TBC1D20: variants seen among roughly 807,000 people sequenced by gnomAD.
The protein encoded by TBC1D20 is TBC1 domain family member 20.
TBC1D20 carries 12 observed loss-of-function variants against 41.6 expected under a neutral mutation model. The ratio of observed to expected loss-of-function variants is 0.29; its 90% CI spans 0.18 to 0.47. The LOEUF (loss-of-function observed/expected upper bound fraction) is 0.47, where lower values mean the gene tolerates loss of function less well. Among genes scored for constraint, TBC1D20 ranks in the 20% least tolerant of loss-of-function variants. The probability of loss-of-function intolerance (pLI) is 1.00; values close to 1 mark genes in which losing one functional copy is unlikely to be tolerated. For missense variants in TBC1D20, 421 were observed against 517.4 expected (o/e 0.81, Z 1.81); for synonymous variants, 205 against 204.8 (o/e 1.00, Z -0.01).
Position 462,320 on chromosome 20 carries a change from CG to C in TBC1D20, c.70+15del. On this transcript the variant is annotated intron_variant, in intron 1 of 7. Coordinates refer to ENST00000354200, the MANE Select transcript of TBC1D20 (RefSeq NM_144628.4). Reference sequence around the variant, plus strand: ...CCCTCGCAGGCCGCTCCCGGCGCCCCGGTCGGCTTCCGTACCTGCCTTCTCC... The same window carrying C: ...CCCTCGCAGGCCGCTCCCGGCGCCCCGTCGGCTTCCGTACCTGCCTTCTCC... 7.8e-7 allele frequency: 1 copy of C among 1,286,170 alleles called. No individual in the cohort carries two copies. Among genetic ancestry groups the C allele is most frequent in the Non-Finnish European group, 9.9e-7 (1 of 1,008,232 alleles). 79.7% of individuals were successfully genotyped at this position (1,286,170 alleles called of 1,614,324 possible). A position where few individuals can be genotyped will look rare whatever the true frequency, so the allele number is the denominator to read the frequency against.
intron 1 of TBC1D20, 21 bp downstream of exon 1, chr20:462,315 C>A (rs1199560253): frequency 5.5e-5 from 71 of 1,279,680 alleles, no homozygotes; most frequent in African/African-American, 3.7e-4. Context: ...CCGCTCCCGG[C>A]GCCCCGGTCG....
intron 1 of TBC1D20, among the ~76,000 whole-genome samples, chr20:455,454 C>T (rs950072914): frequency 6.6e-6 from 1 of 151,946 alleles, no homozygotes; most frequent in Admixed American, 6.6e-5. Context: ...CCTGTCTCTA[C>T]TAAAAATATA....
chr20:452,285 C>T (rs113056045), intron 1 of TBC1D20, among the ~76,000 whole-genome samples: 60 of 151,850 alleles, frequency 4.0e-4, no homozygotes, highest in African/African-American at 1.3e-3. Flanking sequence ...CCAGCCTGGG[C>T]GCGACATAGC....
rs746588804 is a variant in TBC1D20 at position 441,889 on chromosome 20, G to C, written c.492C>G (p.Ser164=). Residue 164 remains serine (S), a synonymous_variant, in exon 4 of 8, where the codon TCC becomes TCG. Transcript: ENST00000354200. ...GGTGGGTAGATAATTTTTCTACCAGGGATGTTGCCAGCCTCTCGCCTACCA... is the reference window on the plus strand; with the variant it reads ...GGTGGGTAGATAATTTTTCTACCAGCGATGTTGCCAGCCTCTCGCCTACCA... ...LLVVGERLAT[S]LVEKLSTHHL... is the part of the protein sequence containing the mutation. The C allele has an allele frequency of 6.2e-7, 1 of 1,613,876 alleles. No homozygotes were observed. The highest frequency in any genetic ancestry group is 2.2e-5 in the East Asian group (1 of 44,884).
intron 2 of TBC1D20, 67 bp downstream of exon 2, chr20:447,822 A>T: frequency 7.2e-7 from 1 of 1,387,018 alleles, no homozygotes; most frequent in Non-Finnish European, 9.7e-7. Flanking sequence ...AAAATTAAAG[A>T]TCCTGGAATT....
chr20:436,755 C>G lies in TBC1D20; in HGVS notation c.*1831G>C, dbSNP rs937860710. ...ATTAATCCATCGACATCACACTTACCCCACAGTGGGGCTCCTGAGCCATGG... is the reference window on the plus strand; with the variant it reads ...ATTAATCCATCGACATCACACTTACGCCACAGTGGGGCTCCTGAGCCATGG... On this transcript the variant is annotated 3_prime_UTR_variant, in exon 8 of 8. Transcript: ENST00000354200. 1 of 153,760 alleles carries G rather than the reference C, an allele frequency of 6.5e-6. No individual in the cohort carries two copies. The highest frequency in any genetic ancestry group is 2.4e-5 in the African/African-American group (1 of 41,432). 9.5% of individuals were successfully genotyped at this position (153,760 alleles called of 1,614,324 possible).
Position 462,406 on chromosome 20 carries a change from GC to G in TBC1D20, c.-2del, listed in dbSNP as rs889783386. On this transcript the variant is annotated 5_prime_UTR_variant, in exon 1 of 8. Transcript: ENST00000354200. Reference sequence around the variant, plus strand: ...CGCCCTGCGCACTCCGGAGGGCCATGCCCCGGGGCCCCGGGCCCCCACCCGA... The same window carrying G: ...CGCCCTGCGCACTCCGGAGGGCCATGCCCGGGGCCCCGGGCCCCCACCCGA... The G allele has an allele frequency of 1.6e-6, 2 of 1,226,634 alleles. No individual in the cohort carries two copies. The highest frequency in any genetic ancestry group is 3.2e-5 in the African/African-American group (2 of 62,642). 76.0% of individuals were successfully genotyped at this position (1,226,634 alleles called of 1,614,324 possible). A position where few individuals can be genotyped will look rare whatever the true frequency, so the allele number is the denominator to read the frequency against.
rs546500072 is a variant in TBC1D20 at position 440,216 on chromosome 20, A to C, written c.768+32T>G. 4.4e-6 allele frequency: 7 copies of C among 1,607,140 alleles called. No individual in the cohort carries two copies. In the South Asian group the frequency reaches 7.8e-5, roughly 18 times the overall value. On this transcript the variant is annotated intron_variant, in intron 6 of 7. Coordinates refer to ENST00000354200, the MANE Select transcript of TBC1D20 (RefSeq NM_144628.4). ...GACCACAGTGGGATGGGTGATGGTGAACCCAGCTGCTGGCTCGTGGCCTGT... is the reference window on the plus strand; with the variant it reads ...GACCACAGTGGGATGGGTGATGGTGCACCCAGCTGCTGGCTCGTGGCCTGT...
chr20:459,419 C>T (rs1306454920), intron 1 of TBC1D20, among the ~76,000 whole-genome samples: 2 of 152,118 alleles, frequency 1.3e-5, no homozygotes, highest in Non-Finnish European at 2.9e-5. Context: ...TTTATTGCCC[C>T]ACTTACAAGA....
rs1842681200 is a variant in TBC1D20 at position 462,468 on chromosome 20, C to T, written c.-63G>A. ...GTGGCGGAGCCGGGAGAAGACGCGG[C>T]TCCGACCGCGGGACGTAGCACCCGC... On this transcript the variant is annotated 5_prime_UTR_variant, in exon 1 of 8. Transcript: ENST00000354200. The T allele has an allele frequency of 1.9e-6, 2 of 1,029,518 alleles. No homozygotes were observed. Among genetic ancestry groups the T allele is most frequent in the Non-Finnish European group, 1.2e-6 (1 of 813,144 alleles). The allele number at this position is 1,029,518 out of a possible 1,614,324, so 63.8% of individuals were successfully genotyped here.
chr20:457,505 A>G (rs2017562675), intron 1 of TBC1D20, among the ~76,000 whole-genome samples: 1 of 152,182 alleles, frequency 6.6e-6, no homozygotes, highest in Non-Finnish European at 1.5e-5. Flanking sequence ...CGCAGATGTG[A>G]GCCACCACAC....
intron 1 of TBC1D20, among the ~76,000 whole-genome samples, chr20:456,669 G>C (rs532414986): frequency 1.5e-4 from 23 of 151,372 alleles, no homozygotes; most frequent in Non-Finnish European, 2.5e-4. Flanking sequence ...GGTTTGAGCA[G>C]TTCTCCTGCC....
intron 1 of TBC1D20, among the ~76,000 whole-genome samples, chr20:449,293 A>AAAAAAG (rs2017400341): frequency 6.8e-6 from 1 of 147,094 alleles, no homozygotes; most frequent in African/African-American, 2.5e-5. Flanking sequence ...ATTAAAAAAA[A>AAAAAAG]AAAAAAAAAA....
chr20:447,841 CCT>C (rs768853733), intron 2 of TBC1D20, 46 bp downstream of exon 2: 95 of 1,493,330 alleles, frequency 6.4e-5, no homozygotes, highest in Admixed American at 9.4e-5. Context: ...TTCTTTTCCC[CCT>C]GTCTCCTAGA....
At chr20:443,229 T>A (rs1480502888) in intron 3 of TBC1D20, among the ~76,000 whole-genome samples, 2 of 152,212 alleles carry the variant, frequency 1.3e-5, no homozygotes, top group Non-Finnish European at 2.9e-5. Flanking sequence ...AATAAAAAAA[T>A]TTTAAAGTTA....
chr20:456,211 CTCCAGCCTGGGTGATAG>C (rs1568465753), intron 1 of TBC1D20, among the ~76,000 whole-genome samples: 1 of 152,138 alleles, frequency 6.6e-6, no homozygotes, highest in Non-Finnish European at 1.5e-5. Flanking sequence ...TGCCACTGCA[CTCCAGCCTGGGTGATAG>C]AGTAAGACTC....
chr20:445,231 G>C (rs1330554052), intron 2 of TBC1D20, 101 bp from the exon 3 acceptor site: 12 of 803,530 alleles, frequency 1.5e-5, no homozygotes, highest in Non-Finnish European at 2.5e-5. Context: ...GCACATGTCA[G>C]CTTCTCCTGA....
chr20:444,580 T>A (rs1445339539), intron 3 of TBC1D20, among the ~76,000 whole-genome samples: 1 of 152,226 alleles, frequency 6.6e-6, no homozygotes, highest in Non-Finnish European at 1.5e-5. Flanking sequence ...TTTATTTATT[T>A]ATTTTTTTAT....
At chr20:444,911 A>T in intron 3 of TBC1D20, 139 bp downstream of exon 3, 1 of 664,872 alleles carries the variant, frequency 1.5e-6, no homozygotes. Context: ...GAAAGTGACC[A>T]GTCAAGAAAA....
Sources: gnomAD v4.1 joint callset for allele counts (sites outside exome capture counted in the v4.1 genomes callset) on GRCh38, gnomAD v4.1.1 for gene constraint, MANE v1.5 for transcripts, NCBI Gene and HGNC (gene_info 2026-07-23, HGNC 2026-07-21) for gene names.